Variants in ZNF550 observed in about 807,000 individuals in gnomAD.
ZNF550 encodes zinc finger protein 550.
ZNF550 carries 42 observed loss-of-function variants against 40.2 expected under a neutral mutation model. The observed-to-expected ratio is 1.05, with a 90% CI of 0.82 to 1.35. The LOEUF (loss-of-function observed/expected upper bound fraction) is 1.35. Ranked by LOEUF, ZNF550 falls within the 40% of genes most tolerant of loss-of-function variation. The pLI is 0.00. For synonymous variants in ZNF550, 223 were observed against 198.6 expected, an observed-to-expected ratio of 1.12 and a Z score of -1.03; for missense variants, 549 against 525.2, an observed-to-expected ratio of 1.05 and a Z score of -0.44.
exon 4 of ZNF550, chr19:57,546,545 A>C: frequency 1.0e-6 from 1 of 993,630 alleles, no homozygotes; most frequent in Non-Finnish European, 1.2e-6. Flanking sequence ...AGCAAGTGAC[A>C]ACCTGGTCAC....
upstream of ZNF550, among the ~76,000 whole-genome samples, chr19:57,560,490 A>T (rs1222090879): frequency 6.6e-6 from 1 of 152,234 alleles, no homozygotes; most frequent in East Asian, 1.9e-4. Context: ...AAAGGCAAGA[A>T]GCTTTTATTG....
At chr19:57,546,846 A>G in exon 4 of ZNF550, 1 of 1,421,818 alleles carries the variant, frequency 7.0e-7, no homozygotes, top group South Asian at 1.7e-5. Context: ...GAGCTGACAA[A>G]AAAAATGAAA....
At chr19:57,547,482 G>A (rs201428842) in exon 4 of ZNF550, 89 of 1,613,812 alleles carry the variant, frequency 5.5e-5, no homozygotes, top group African/African-American at 3.3e-4. Flanking sequence ...GTTTCTCCCC[G>A]GTGTGGATGA....
chr19:57,546,715 TC>T, exon 4 of ZNF550: 1 of 1,226,848 alleles, frequency 8.2e-7, no homozygotes, highest in Non-Finnish European at 1.0e-6. Flanking sequence ...CTTCCACATT[TC>T]CCCCTGGTAT....
At position 57,559,655 on chromosome 19, in the gene ZNF550, C is replaced by A. The variant is rs1376853289; in HGVS notation, c.27+1G>T. ...GCGGGGAGCCGAGCCAGTCTGCTCACCTGCGCTGCGTCCTTCGTCTCCGCC... is the reference window on the plus strand; with the variant it reads ...GCGGGGAGCCGAGCCAGTCTGCTCAACTGCGCTGCGTCCTTCGTCTCCGCC... On this transcript the variant is annotated splice_donor_variant, in intron 1 of 4. Coordinates refer to ENST00000457177, the Ensembl canonical transcript of ZNF550. LOFTEE classifies it high-confidence loss of function. The A allele has an allele frequency of 6.6e-7, 1 of 1,507,778 alleles. No homozygotes were observed. Among genetic ancestry groups the A allele is most frequent in the Non-Finnish European group, 8.9e-7 (1 of 1,126,120 alleles). The allele number at this position is 1,507,778 out of a possible 1,614,324, so 93.4% of individuals were successfully genotyped here. A position where few individuals can be genotyped will look rare whatever the true frequency, so the allele number is the denominator to read the frequency against.
intron 3 of ZNF550, among the ~76,000 whole-genome samples, chr19:57,550,700 C>T (rs1159949451): frequency 6.6e-6 from 1 of 152,216 alleles, no homozygotes; most frequent in Admixed American, 6.5e-5. Flanking sequence ...TATTGTAAAT[C>T]TTGACCTAGA....
At chr19:57,555,265 TC>T (rs1473744005) in intron 2 of ZNF550, 2 of 151,926 alleles carry the variant, frequency 1.3e-5, no homozygotes, top group Non-Finnish European at 1.5e-5. Context: ...TTGGAGGTTG[TC>T]CCCTCTGTTA....
intron 3 of ZNF550, among the ~76,000 whole-genome samples, chr19:57,548,224 T>C (rs1453765376): frequency 6.6e-6 from 1 of 151,996 alleles, no homozygotes; most frequent in African/African-American, 2.4e-5. Flanking sequence ...GGATCCGGAG[T>C]AAAGACATTT....
rs148646274 is a variant in ZNF550 at position 57,548,203 on chromosome 19, C to T, written c.251-210G>A. ...GGAAAATCTGGAGGGCAGGCTGGAC[C>T]GGGGGACAGAGGATCCGGAGTAAAG... On this transcript the variant is annotated intron_variant, in intron 3 of 4. Coordinates refer to ENST00000457177, the Ensembl canonical transcript of ZNF550. 1.8e-3 allele frequency among the ~76,000 whole-genome samples: 275 copies of T among 152,106 alleles called. 2 individuals carry two copies. Among genetic ancestry groups the T allele is most frequent in the African/African-American group, 6.0e-3 (248 of 41,460 alleles).
intron 4 of ZNF550, chr19:57,543,500 T>C (rs561572175): frequency 7.2e-6 from 4 of 552,322 alleles, no homozygotes; most frequent in Non-Finnish European, 6.9e-6. Context: ...CATTTACTGA[T>C]TGAAGTGCAC....
intron 3 of ZNF550, among the ~76,000 whole-genome samples, chr19:57,551,394 G>A (rs554512812): frequency 6.6e-6 from 1 of 152,182 alleles, no homozygotes; most frequent in South Asian, 2.1e-4. Flanking sequence ...CTCTGGTATG[G>A]CCCAGGCAGA....
At chr19:57,547,206 C>T in exon 4 of ZNF550, 3 of 1,613,728 alleles carry the variant, frequency 1.9e-6, no homozygotes, top group Non-Finnish European at 2.5e-6. Context: ...TTCCACATGC[C>T]ATGCAATCAT....
At chr19:57,552,786 T>C (rs1199481770) in intron 2 of ZNF550, 64 bp from the exon 3 acceptor site, 1 of 1,246,126 alleles carries the variant, frequency 8.0e-7, no homozygotes, top group East Asian at 2.5e-5. Flanking sequence ...CTCTCCATCT[T>C]GCCTAGGACT....
At chr19:57,556,192 G>A (rs940317335) in intron 2 of ZNF550, 39 bp downstream of exon 2, 2 of 1,613,366 alleles carry the variant, frequency 1.2e-6, no homozygotes, top group Non-Finnish European at 1.7e-6. Context: ...CAAGAATCAG[G>A]GTTAGGGTCC....
chr19:57,558,845 C>G (rs1050632979), intron 1 of ZNF550, among the ~76,000 whole-genome samples: 1 of 152,180 alleles, frequency 6.6e-6, no homozygotes, highest in Non-Finnish European at 1.5e-5. Flanking sequence ...CATGTGTTAT[C>G]TCCAAAGGGA....
chr19:57,547,099 C>A, exon 4 of ZNF550: 1 of 1,610,280 alleles, frequency 6.2e-7, no homozygotes, highest in Non-Finnish European at 8.5e-7. Flanking sequence ...GTACGTGCTC[C>A]GGTGAAAGGC....
chr19:57,556,171 T>C, intron 2 of ZNF550, 60 bp downstream of exon 2: 1 of 1,612,014 alleles, frequency 6.2e-7, no homozygotes, highest in Non-Finnish European at 8.5e-7. Context: ...CCAGTGACCT[T>C]TTTGCCTGGC....
upstream of ZNF550, among the ~76,000 whole-genome samples, chr19:57,561,208 A>G (rs758789337): frequency 6.6e-6 from 1 of 152,220 alleles, no homozygotes; most frequent in Non-Finnish European, 1.5e-5. The surrounding 1 kb of genome is among the most constrained non-coding windows in gnomAD (Gnocchi z 4.9). Flanking sequence ...TGCTATTCCT[A>G]TATCACTGTG....
chr19:57,559,572 CG>C (rs1442855772), intron 1 of ZNF550, 83 bp downstream of exon 1: 2 of 1,356,978 alleles, frequency 1.5e-6, no homozygotes, highest in East Asian at 5.6e-5. Flanking sequence ...GCACTGAGGA[CG>C]ACCCTGAAAC....
Sources: gnomAD v4.1 joint callset for allele counts (sites outside exome capture counted in the v4.1 genomes callset) on GRCh38, gnomAD v4.1.1 for gene constraint, Gnocchi (gnomAD v3.1) non-coding constraint, MANE v1.5 for transcripts, NCBI Gene and HGNC (gene_info 2026-07-23, HGNC 2026-07-21) for gene names.